SMIM35: variants seen among roughly 807,000 people sequenced by gnomAD.
The protein encoded by SMIM35 is small integral membrane protein 35.
intron 1 of SMIM35, among the ~76,000 whole-genome samples, chr11:118,051,182 T>C (rs1216210829): frequency 6.6e-6 from 1 of 152,182 alleles, no homozygotes; most frequent in East Asian, 1.9e-4. Flanking sequence ...TCCTATCCAG[T>C]TTTGTACAGA....
rs1209180144 is a variant in SMIM35, at chr11:118,076,777, A to G, written c.7+9974T>C. ...CCCCAGACCACTCCAACTTCCCACA[A>G]CCCCAAACCAAAGCACCCACACAGT... is the stretch of plus-strand genomic sequence containing the variant. On this transcript the variant is annotated intron_variant, in intron 1 of 4. Transcript: ENST00000689828. Among the ~76,000 whole-genome samples, 11 of 151,838 alleles carry G rather than the reference A, an allele frequency of 7.2e-5. 1 individual carries two copies. The highest frequency in any genetic ancestry group is 4.6e-4 in the Admixed American group (7 of 15,226).
At chr11:118,084,502 A>T (rs1945393828) in intron 1 of SMIM35, among the ~76,000 whole-genome samples, 1 of 152,210 alleles carries the variant, frequency 6.6e-6, no homozygotes, top group African/African-American at 2.4e-5. Context: ...GAGTCACTGA[A>T]ACCTGTGCCA....
chr11:118,078,348 G>A (rs1472421396), intron 1 of SMIM35, among the ~76,000 whole-genome samples: 1 of 152,172 alleles, frequency 6.6e-6, no homozygotes, highest in Non-Finnish European at 1.5e-5. Flanking sequence ...GGGAAGAGAG[G>A]AAAGGAGAAG....
intron 3 of SMIM35, 79 bp from the exon 4 acceptor site, chr11:118,013,959 G>T: frequency 2.5e-6 from 1 of 397,872 alleles, no homozygotes; most frequent in East Asian, 3.6e-5. Context: ...TTGACTCCAG[G>T]GCACCAACTC....
At chr11:118,029,555 G>A (rs1591285104) in intron 1 of SMIM35, 1 of 439,460 alleles carries the variant, frequency 2.3e-6, no homozygotes, top group South Asian at 1.6e-5. Flanking sequence ...GAGGCTACAA[G>A]GCTGGAGGAT....
chr11:118,051,629 C>T (rs1479381625), intron 1 of SMIM35, among the ~76,000 whole-genome samples: 2 of 152,150 alleles, frequency 1.3e-5, no homozygotes, highest in Non-Finnish European at 1.5e-5. Context: ...AAGGGGGTAA[C>T]GGTGAGAACT....
intron 1 of SMIM35, among the ~76,000 whole-genome samples, chr11:118,026,808 T>A (rs977294107): frequency 1.3e-5 from 2 of 151,916 alleles, no homozygotes; most frequent in African/African-American, 4.8e-5. Context: ...TTTCTTTTTT[T>A]AAAAAATAAA....
intron 1 of SMIM35, among the ~76,000 whole-genome samples, chr11:118,045,255 A>G (rs1944079033): frequency 6.6e-6 from 1 of 151,980 alleles, no homozygotes; most frequent in Non-Finnish European, 1.5e-5. Context: ...TTGCTCATCA[A>G]TTCCACGTTT....
intron 1 of SMIM35, among the ~76,000 whole-genome samples, chr11:118,039,222 G>C (rs1212303881): frequency 6.6e-6 from 1 of 152,222 alleles, no homozygotes; most frequent in East Asian, 1.9e-4. Flanking sequence ...TAACCTTGAG[G>C]AATTACTGTC....
At chr11:118,021,547 G>T (rs150181649) in intron 1 of SMIM35, among the ~76,000 whole-genome samples, 1 of 150,646 alleles carries the variant, frequency 6.6e-6, no homozygotes, top group Non-Finnish European at 1.5e-5. Flanking sequence ...ATTATTCTAG[G>T]GTTTATAAAA....
intron 1 of SMIM35, among the ~76,000 whole-genome samples, chr11:118,017,970 A>G (rs11216684): frequency 0.057 from 8,689 of 152,214 alleles, 535 homozygotes; most frequent in East Asian, 0.35. Context: ...CCCACAACAC[A>G]TGGGGATTAT....
intron 1 of SMIM35, among the ~76,000 whole-genome samples, chr11:118,025,132 G>A (rs1276448431): frequency 6.6e-6 from 1 of 152,200 alleles, no homozygotes; most frequent in African/African-American, 2.4e-5. Flanking sequence ...GTATTTCATG[G>A]TGTATATGTA....
intron 1 of SMIM35, among the ~76,000 whole-genome samples, chr11:118,024,997 C>T (rs7945541): frequency 0.096 from 14,583 of 152,150 alleles, 973 homozygotes; most frequent in East Asian, 0.37. Flanking sequence ...TAAGCTTTCA[C>T]TTGTAACGGA....
chr11:118,058,265 C>A (rs1052033319), intron 1 of SMIM35, among the ~76,000 whole-genome samples: 5 of 152,192 alleles, frequency 3.3e-5, no homozygotes, highest in African/African-American at 1.2e-4. Context: ...GACTTCCCTG[C>A]AGCCCCCACG....
Position 118,005,659 on chromosome 11 carries a change from C to T in SMIM35, c.*751G>A, listed in dbSNP as rs1392828642. 2 of 152,408 alleles carry T rather than the reference C, an allele frequency of 1.3e-5. No homozygotes were observed. The highest frequency in any genetic ancestry group is 2.4e-5 in the African/African-American group (1 of 41,442). The allele number at this position is 152,408 out of a possible 1,614,324, so 9.4% of individuals were successfully genotyped here. ...TGCCCCATCAAACTCCTTAGTAAGT[C>T]CTATCAGCTCTACCTTCCAGATAGA... On this transcript the variant is annotated 3_prime_UTR_variant, in exon 5 of 5. Coordinates refer to ENST00000689828, the MANE Select transcript of SMIM35 (RefSeq NM_001394165.1).
At chr11:118,036,464 T>C (rs949643329) in intron 1 of SMIM35, among the ~76,000 whole-genome samples, 2 of 152,266 alleles carry the variant, frequency 1.3e-5, no homozygotes, top group African/African-American at 4.8e-5. Flanking sequence ...AACACATCTT[T>C]AATGGACTAT....
intron 4 of SMIM35, among the ~76,000 whole-genome samples, chr11:118,010,471 G>C (rs1330340860): frequency 1.3e-5 from 2 of 152,356 alleles, no homozygotes; most frequent in African/African-American, 4.8e-5. Flanking sequence ...TACTCGGCAA[G>C]TAGTCACTGA....
At chr11:118,035,324 C>G (rs2058351164) in intron 1 of SMIM35, among the ~76,000 whole-genome samples, 3 of 152,054 alleles carry the variant, frequency 2.0e-5, no homozygotes, top group African/African-American at 7.2e-5. Context: ...GAATTCTGTG[C>G]CCCAAAGAGC....
intron 1 of SMIM35, among the ~76,000 whole-genome samples, chr11:118,039,272 T>C (rs1943962546): frequency 6.6e-6 from 1 of 152,194 alleles, no homozygotes; most frequent in Non-Finnish European, 1.5e-5. Flanking sequence ...AAATACCCAG[T>C]TATCTCAACA....
Sources: allele counts gnomAD v4.1 joint callset (sites outside exome capture counted in the v4.1 genomes callset), GRCh38; gene constraint gnomAD v4.1.1; transcripts MANE v1.5; gene names NCBI Gene and HGNC (gene_info 2026-07-23, HGNC 2026-07-21).